Variants in LDLRAD4 observed in about 807,000 individuals in gnomAD.
LDLRAD4 encodes low-density lipoprotein receptor class A domain-containing protein 4.
LDLRAD4 carries 5 observed loss-of-function variants against 17.0 expected under a neutral mutation model. The observed-to-expected ratio is 0.29, with a 90% confidence interval of 0.15 to 0.62. LDLRAD4 has a LOEUF of 0.62. LDLRAD4 is among the 20% of genes least tolerant of loss of function. The pLI is 0.84. For synonymous variants in LDLRAD4, 168 were observed against 171.8 expected (o/e 0.98, Z 0.17); for missense variants, 340 against 424.7 (o/e 0.80, Z 1.75).
At chr18:13,394,931 T>C (rs2086539517) in intron 2 of LDLRAD4, among the ~76,000 whole-genome samples, 1 of 152,240 alleles carries the variant, frequency 6.6e-6, no homozygotes, top group African/African-American at 2.4e-5. Flanking sequence ...TGGCCTCTTG[T>C]AGTTTCTTGG....
intron 1 of LDLRAD4, among the ~76,000 whole-genome samples, chr18:13,234,687 G>T (rs575274214): frequency 6.6e-6 from 1 of 152,306 alleles, no homozygotes; most frequent in African/African-American, 2.4e-5. Flanking sequence ...GCTGAAGTAT[G>T]AGCAGCAGTG....
At chr18:13,221,618 A>G (rs72879676) in intron 1 of LDLRAD4, among the ~76,000 whole-genome samples, 35 of 152,332 alleles carry the variant, frequency 2.3e-4, no homozygotes, top group African/African-American at 7.9e-4. Context: ...TACCTGTACT[A>G]TTAATTATGC....
Position 13,438,396 on chromosome 18 carries a change from C to A in LDLRAD4, c.181+12C>A. ...GGGCATCTTCAACTGTAAGTCTCTCCTCCCACCTGGGTGGCACTGTCTGAT... is the reference window on the plus strand; with the variant it reads ...GGGCATCTTCAACTGTAAGTCTCTCATCCCACCTGGGTGGCACTGTCTGAT... On this transcript the variant is annotated intron_variant, in intron 3 of 5. Transcript: ENST00000359446. 6.2e-7 allele frequency: 1 copy of A among 1,612,698 alleles called. No individual in the cohort carries two copies. The highest frequency in any genetic ancestry group is 2.2e-5 in the East Asian group (1 of 44,888).
chr18:13,650,169 C>T, exon 6 of LDLRAD4: 1 of 399,120 alleles, frequency 2.5e-6, no homozygotes. Context: ...ACCAATATTT[C>T]AGCATTCTTT....
rs2090926863 is a variant in LDLRAD4 at position 13,440,064 on chromosome 18, C to T, written c.181+1680C>T. On this transcript the variant is annotated intron_variant, in intron 3 of 5. Coordinates refer to ENST00000359446, the Ensembl canonical transcript of LDLRAD4. This position sits in a 1 kb window ranked among gnomAD's most constrained non-coding sequence, Gnocchi z 4.4. ...CAAGCAGCATCTTACTCTGTTTTCT[C>T]TGGACTTGACTAACAGCAGACACAC... Among the ~76,000 whole-genome samples, 1 of 152,168 alleles carries T rather than the reference C, an allele frequency of 6.6e-6. No individual in the cohort carries two copies. Among genetic ancestry groups the T allele is most frequent in the African/African-American group, 2.4e-5 (1 of 41,440 alleles).
chr18:13,558,750 A>C (rs1366694343), intron 3 of LDLRAD4, among the ~76,000 whole-genome samples: 1 of 152,264 alleles, frequency 6.6e-6, no homozygotes, highest in Non-Finnish European at 1.5e-5. Context: ...AAATTTTAAA[A>C]AGTATGAAAA....
chr18:13,625,293 G>A (rs547945177), intron 4 of LDLRAD4, among the ~76,000 whole-genome samples: 1 of 152,316 alleles, frequency 6.6e-6, no homozygotes, highest in South Asian at 2.1e-4. Context: ...TAAACTTACT[G>A]TTACGTCTTT....
At chr18:13,644,535 T>C (rs962026040) in intron 5 of LDLRAD4, among the ~76,000 whole-genome samples, 1 of 147,914 alleles carries the variant, frequency 6.8e-6, no homozygotes, top group Non-Finnish European at 1.5e-5. Flanking sequence ...GCCACTGCAC[T>C]CCAGCCTAGG....
chr18:13,316,662 C>T (rs12455192), intron 1 of LDLRAD4, among the ~76,000 whole-genome samples: 2,394 of 152,138 alleles, frequency 0.016, 39 homozygotes, highest in African/African-American at 0.04. Flanking sequence ...TGAGGGTGGA[C>T]GTGGAGGGTG....
intron 1 of LDLRAD4, among the ~76,000 whole-genome samples, chr18:13,298,056 A>T (rs551144304): frequency 6.6e-6 from 1 of 152,372 alleles, no homozygotes; most frequent in African/African-American, 2.4e-5. Flanking sequence ...CTAGGGGGAC[A>T]GGCCTGCCAC....
At chr18:13,320,166 C>G (rs534570341) in intron 1 of LDLRAD4, among the ~76,000 whole-genome samples, 1 of 152,232 alleles carries the variant, frequency 6.6e-6, no homozygotes, top group East Asian at 1.9e-4. Flanking sequence ...TTTTATACAT[C>G]GTTTCTGTTT....
intron 1 of LDLRAD4, among the ~76,000 whole-genome samples, chr18:13,315,817 G>T (rs1281669185): frequency 6.6e-6 from 1 of 151,238 alleles, no homozygotes; most frequent in African/African-American, 2.4e-5. Flanking sequence ...TATAAAACTG[G>T]ACTTAAATGG....
intron 1 of LDLRAD4, among the ~76,000 whole-genome samples, chr18:13,283,312 A>G (rs1453603966): frequency 6.6e-6 from 1 of 152,192 alleles, no homozygotes; most frequent in Non-Finnish European, 1.5e-5. Context: ...TCAGCCTGCA[A>G]ATTTTCCAAA....
intron 3 of LDLRAD4, among the ~76,000 whole-genome samples, chr18:13,547,489 C>A (rs896645977): frequency 3.3e-5 from 5 of 152,184 alleles, no homozygotes; most frequent in African/African-American, 1.2e-4. Flanking sequence ...GCTCGTTCTG[C>A]CCACTCGACC....
chr18:13,232,859 C>T (rs764866431), intron 1 of LDLRAD4, among the ~76,000 whole-genome samples: 7 of 152,188 alleles, frequency 4.6e-5, no homozygotes, highest in Admixed American at 6.5e-5. Context: ...AACTCAGCTC[C>T]GGACCCGAAG....
At chr18:13,408,706 C>T (rs2088026366) in intron 2 of LDLRAD4, among the ~76,000 whole-genome samples, 1 of 151,826 alleles carries the variant, frequency 6.6e-6, no homozygotes, top group Admixed American at 6.6e-5. Context: ...CTCCTGACCT[C>T]GTGATCCACC....
intron 3 of LDLRAD4, among the ~76,000 whole-genome samples, chr18:13,548,438 C>G (rs940396856): frequency 1.3e-5 from 2 of 152,232 alleles, no homozygotes; most frequent in Non-Finnish European, 2.9e-5. Flanking sequence ...GCCTCCTTCC[C>G]CTGCTTGTTG....
At chr18:13,224,286 C>G (rs1210706319) in intron 1 of LDLRAD4, among the ~76,000 whole-genome samples, 1 of 152,106 alleles carries the variant, frequency 6.6e-6, no homozygotes, top group East Asian at 1.9e-4. Flanking sequence ...TCCTTAAAAC[C>G]ACTTCCATCA....
intron 1 of LDLRAD4, among the ~76,000 whole-genome samples, chr18:13,342,774 C>A (rs1168414251): frequency 6.6e-6 from 1 of 150,406 alleles, no homozygotes; most frequent in African/African-American, 2.4e-5. Context: ...TAGTTGGATT[C>A]TTTTTTTTTA....
Sources: gnomAD v4.1 joint callset for allele counts (sites outside exome capture counted in the v4.1 genomes callset) on GRCh38, gnomAD v4.1.1 for gene constraint, Gnocchi (gnomAD v3.1) non-coding constraint, MANE v1.5 for transcripts, NCBI Gene and HGNC (gene_info 2026-07-23, HGNC 2026-07-21) for gene names.